The following TMEM178B variants were observed in gnomAD, a reference collection of about 807,000 sequenced individuals.
The protein encoded by TMEM178B is transmembrane protein 178B.
TMEM178B carries 5 observed loss-of-function variants against 31.0 expected under a neutral mutation model. That is an observed-to-expected ratio of 0.16 (90% CI 0.08 to 0.34). The LOEUF is 0.34. Ranked by LOEUF, TMEM178B falls within the 10% of genes least tolerant of loss-of-function variation. The pLI is 1.00. For missense variants in TMEM178B, 275 were observed against 400.3 expected (o/e 0.69, Z 2.67); for synonymous variants, 164 against 164.0 (o/e 1.00, Z 0.00).
At chr7:141,358,275 C>G (rs1799856046) in intron 2 of TMEM178B, among the ~76,000 whole-genome samples, 1 of 152,066 alleles carries the variant, frequency 6.6e-6, no homozygotes, top group African/African-American at 2.4e-5. Context: ...AAATGCATTG[C>G]CTTGCTATTT....
At chr7:141,495,791 C>A in the TMEM178B span, among the ~76,000 whole-genome samples, 1 of 152,104 alleles carries the variant, frequency 6.6e-6, no homozygotes. Context: ...TACAAGATAA[C>A]CATTAAGCAA....
chr7:141,501,328 G>A, the TMEM178B span, among the ~76,000 whole-genome samples: 2 of 151,268 alleles, frequency 1.3e-5, no homozygotes, highest in South Asian at 4.2e-4. Context: ...AAAAAAAAAA[G>A]GAGAGTGAAA....
chr7:141,423,903 G>C (rs1049779395), intron 2 of TMEM178B, among the ~76,000 whole-genome samples: 1 of 150,886 alleles, frequency 6.6e-6, no homozygotes, highest in Non-Finnish European at 1.5e-5. Context: ...CCACCTCCTG[G>C]GTTCAAGTGA....
At chr7:141,103,225 TC>T (rs1465047057) in intron 1 of TMEM178B, among the ~76,000 whole-genome samples, 1 of 152,168 alleles carries the variant, frequency 6.6e-6, no homozygotes, top group African/African-American at 2.4e-5. Flanking sequence ...AAGAAACCAG[TC>T]TAGACCTGCT....
At chr7:141,357,963 T>G (rs536048145) in intron 2 of TMEM178B, among the ~76,000 whole-genome samples, 2 of 152,326 alleles carry the variant, frequency 1.3e-5, no homozygotes, top group African/African-American at 4.8e-5. Flanking sequence ...CCAAGATTTT[T>G]GGAATTCTGT....
chr7:141,366,343 C>T (rs1800004322), intron 2 of TMEM178B, among the ~76,000 whole-genome samples: 1 of 152,124 alleles, frequency 6.6e-6, no homozygotes, highest in Non-Finnish European at 1.5e-5. Flanking sequence ...GTTTTCCCTC[C>T]CAAAGAAAAT....
rs373249419 is a variant in TMEM178B at position 141,422,737 on chromosome 7, C to A, written c.497-14871C>A. Among the ~76,000 whole-genome samples, 1 of 152,162 alleles carries A rather than the reference C, an allele frequency of 6.6e-6. No homozygotes were observed. Among genetic ancestry groups the A allele is most frequent in the Non-Finnish European group, 1.5e-5 (1 of 68,034 alleles). ...TGAGCCAGCTACCACCAGCTTGAGA[C>A]GTGCAGTGGCTGGAGTGGGGAAGCT... On this transcript the variant is annotated intron_variant, in intron 2 of 3. Coordinates refer to ENST00000565468, the MANE Select transcript of TMEM178B (RefSeq NM_001195278.2). The surrounding 1 kb of genome is among the most constrained non-coding windows in gnomAD (Gnocchi z 4.2).
At chr7:141,165,216 G>A (rs1796239557) in intron 1 of TMEM178B, among the ~76,000 whole-genome samples, 1 of 151,908 alleles carries the variant, frequency 6.6e-6, no homozygotes, top group African/African-American at 2.4e-5. Flanking sequence ...ATCCAATCCT[G>A]GATCCCACGT....
the TMEM178B span, among the ~76,000 whole-genome samples, chr7:141,504,433 A>C: frequency 2.6e-4 from 39 of 152,212 alleles, no homozygotes; most frequent in African/African-American, 8.9e-4. Flanking sequence ...GAAGAAAAGG[A>C]GCCACAAAAA....
intron 1 of TMEM178B, among the ~76,000 whole-genome samples, chr7:141,099,886 G>A (rs1377097219): frequency 6.7e-6 from 1 of 149,014 alleles, no homozygotes; most frequent in African/African-American, 2.5e-5. Context: ...CTGGAGTGCA[G>A]TGGCGTGATC....
intron 2 of TMEM178B, among the ~76,000 whole-genome samples, chr7:141,299,406 T>C (rs1798687160): frequency 6.6e-6 from 1 of 152,144 alleles, no homozygotes; most frequent in African/African-American, 2.4e-5. Flanking sequence ...TTTTGTATTT[T>C]CCAATCCACG....
At chr7:141,244,837 C>T (rs1379469537) in intron 2 of TMEM178B, among the ~76,000 whole-genome samples, 3 of 151,900 alleles carry the variant, frequency 2.0e-5, no homozygotes, top group Non-Finnish European at 4.4e-5. Context: ...CAGCAAAGGG[C>T]ACAAAGAAGG....
chr7:141,379,369 C>T (rs1800274626), intron 2 of TMEM178B, among the ~76,000 whole-genome samples: 1 of 152,008 alleles, frequency 6.6e-6, no homozygotes, highest in Admixed American at 6.6e-5. Flanking sequence ...CCTGTAGTCT[C>T]AGCTACTCGG....
the TMEM178B span, among the ~76,000 whole-genome samples, chr7:141,507,648 G>C: frequency 6.6e-6 from 1 of 152,220 alleles, no homozygotes; most frequent in East Asian, 1.9e-4. Flanking sequence ...TGGGATTACA[G>C]GCATGCGCCA....
intron 2 of TMEM178B, among the ~76,000 whole-genome samples, chr7:141,244,291 TG>T (rs1302352512): frequency 6.6e-6 from 1 of 152,134 alleles, no homozygotes; most frequent in East Asian, 1.9e-4. Context: ...TGCAAAGCAG[TG>T]TTGTATTAAG....
At chr7:141,163,904 T>C (rs1421758284) in intron 1 of TMEM178B, among the ~76,000 whole-genome samples, 1 of 152,196 alleles carries the variant, frequency 6.6e-6, no homozygotes, top group East Asian at 1.9e-4. Context: ...GAACACTGAA[T>C]GATTTTTTTA....
intron 2 of TMEM178B, among the ~76,000 whole-genome samples, chr7:141,340,473 T>C (rs970099649): frequency 2.6e-5 from 4 of 152,388 alleles, no homozygotes; most frequent in Non-Finnish European, 5.9e-5. Flanking sequence ...GCTGTATTAA[T>C]AACATTCCAT....
chr7:141,157,735 G>A (rs933066124), intron 1 of TMEM178B, among the ~76,000 whole-genome samples: 2 of 152,190 alleles, frequency 1.3e-5, no homozygotes, highest in Admixed American at 1.3e-4. Context: ...TTCCGAGCGA[G>A]GTAACAGTGA....
At chr7:141,121,451 C>T (rs115061944) in intron 1 of TMEM178B, among the ~76,000 whole-genome samples, 1,548 of 152,238 alleles carry the variant, frequency 0.01, 37 homozygotes, top group African/African-American at 0.036. Flanking sequence ...GCTGGGAGTG[C>T]GGTCTCAATT....
Sources: gnomAD v4.1 joint callset for allele counts (sites outside exome capture counted in the v4.1 genomes callset) on GRCh38, gnomAD v4.1.1 for gene constraint, Gnocchi (gnomAD v3.1) non-coding constraint, MANE v1.5 for transcripts, NCBI Gene and HGNC (gene_info 2026-07-23, HGNC 2026-07-21) for gene names.